Variants in GRIA4 observed in about 807,000 individuals in gnomAD.
GRIA4 encodes the protein glutamate receptor 4.
In GRIA4, 34 loss-of-function variants were observed where a neutral mutation model predicts 104.0. That is an observed-to-expected ratio of 0.33 (90% confidence interval 0.25 to 0.44). The LOEUF is 0.44. Ranked by LOEUF, GRIA4 falls within the 20% of genes least tolerant of loss-of-function variation. GRIA4 has a pLI of 1.00. For synonymous variants in GRIA4, 386 were observed against 381.9 expected (o/e 1.01, Z -0.13); for missense variants, 750 against 1,096.5 (o/e 0.68, Z 4.46).
At chr11:105,720,964 G>C (rs1247174592) in intron 3 of GRIA4, among the ~76,000 whole-genome samples, 1 of 152,086 alleles carries the variant, frequency 6.6e-6, no homozygotes, top group Non-Finnish European at 1.5e-5. Context: ...AAAGGCTGTT[G>C]GTTCCCAGAA....
intron 4 of GRIA4, among the ~76,000 whole-genome samples, chr11:105,770,938 G>T (rs73540337): frequency 1.3e-5 from 2 of 151,940 alleles, no homozygotes; most frequent in African/African-American, 4.8e-5. Context: ...ATCCAAGGCT[G>T]ACTCTCCAAA....
chr11:105,619,476 T>A (rs911818312), intron 3 of GRIA4, among the ~76,000 whole-genome samples: 4 of 151,970 alleles, frequency 2.6e-5, no homozygotes, highest in Non-Finnish European at 5.9e-5. Flanking sequence ...TAAATAGATT[T>A]TTTGATATTT....
At chr11:105,656,287 A>T (rs181284368) in intron 3 of GRIA4, among the ~76,000 whole-genome samples, 2,172 of 152,274 alleles carry the variant, frequency 0.014, 28 homozygotes, top group Admixed American at 0.029. Context: ...TCCCTATTTA[A>T]TAAATGGTGT....
intron 4 of GRIA4, among the ~76,000 whole-genome samples, chr11:105,835,035 C>G (rs986330126): frequency 1.3e-5 from 2 of 151,976 alleles, no homozygotes; most frequent in Non-Finnish European, 2.9e-5. Flanking sequence ...GTAAGCCCTA[C>G]TTTTGAGAAA....
intron 3 of GRIA4, among the ~76,000 whole-genome samples, chr11:105,751,621 T>C (rs1345396577): frequency 1.3e-5 from 2 of 152,186 alleles, no homozygotes; most frequent in African/African-American, 4.8e-5. Context: ...TAATATAATA[T>C]CTATCAAAAT....
At chr11:105,726,120 C>T (rs1938191930) in intron 3 of GRIA4, among the ~76,000 whole-genome samples, 1 of 152,092 alleles carries the variant, frequency 6.6e-6, no homozygotes, top group African/African-American at 2.4e-5. Context: ...TCCATAGAGC[C>T]CAGCAAGCTA....
rs473786 is a variant in GRIA4 at position 105,714,394 on chromosome 11, T to C, written c.248-38587T>C. On this transcript the variant is annotated intron_variant, in intron 3 of 16. Coordinates refer to ENST00000282499, the MANE Select transcript of GRIA4 (RefSeq NM_000829.4). ...ATATTTTAACAATCTGATATCACTTTGAGATAATTTGGTTGAATGCTTCCC... is the reference window on the plus strand; with the variant it reads ...ATATTTTAACAATCTGATATCACTTCGAGATAATTTGGTTGAATGCTTCCC... Among the ~76,000 whole-genome samples, 38 of 152,242 alleles carry C rather than the reference T, an allele frequency of 2.5e-4. No homozygotes were observed. In the East Asian group the frequency reaches 5.6e-3, roughly 22 times the overall value.
intron 3 of GRIA4, among the ~76,000 whole-genome samples, chr11:105,626,499 C>A (rs1269374340): frequency 6.6e-6 from 1 of 152,188 alleles, no homozygotes; most frequent in Admixed American, 6.6e-5. Context: ...ATATCTGGGA[C>A]ATTTAAAATT....
Position 105,926,733 on chromosome 11 carries a change from A to G in GRIA4, c.1848-8A>G. ...AAGGAAAATGTGCATTATTTTATCC[A>G]TGTTTAGATCCCTCTCAGGTCGAAT... On this transcript the variant is annotated splice_region_variant and splice_polypyrimidine_tract_variant and intron_variant, in intron 12 of 16. Transcript: ENST00000282499. 4.5e-6 allele frequency: 7 copies of G among 1,562,434 alleles called. No individual in the cohort carries two copies. Among genetic ancestry groups the G allele is most frequent in the Non-Finnish European group, 5.3e-6 (6 of 1,133,510 alleles).
At chr11:105,802,688 T>C (rs1942771720) in intron 4 of GRIA4, among the ~76,000 whole-genome samples, 1 of 152,056 alleles carries the variant, frequency 6.6e-6, no homozygotes, top group Non-Finnish European at 1.5e-5. Context: ...TCTTTAATGT[T>C]TGGCAAGATT....
intron 4 of GRIA4, among the ~76,000 whole-genome samples, chr11:105,765,342 T>G (rs1468423357): frequency 6.6e-6 from 1 of 152,166 alleles, no homozygotes; most frequent in African/African-American, 2.4e-5. Context: ...GAGCAATCCT[T>G]TAAACAATAA....
At chr11:105,632,788 AAAAG>A in intron 3 of GRIA4, among the ~76,000 whole-genome samples, 1 of 152,170 alleles carries the variant, frequency 6.6e-6, no homozygotes, top group Non-Finnish European at 1.5e-5. Context: ...TAAATAATTA[AAAAG>A]AAAGAAAAAA....
chr11:105,961,974 T>G (rs1430533762), intron 14 of GRIA4, among the ~76,000 whole-genome samples: 1 of 152,242 alleles, frequency 6.6e-6, no homozygotes, highest in African/African-American at 2.4e-5. Flanking sequence ...ACATATGTCC[T>G]GAATATCTTG....
intron 14 of GRIA4, among the ~76,000 whole-genome samples, chr11:105,937,826 G>A (rs551874530): frequency 1.3e-5 from 2 of 152,274 alleles, no homozygotes; most frequent in Non-Finnish European, 2.9e-5. Context: ...TTGCTTCAGG[G>A]GGTGAGACCT....
chr11:105,785,697 C>T (rs1023108827), intron 4 of GRIA4, among the ~76,000 whole-genome samples: 17 of 152,148 alleles, frequency 1.1e-4, no homozygotes, highest in Admixed American at 2.6e-4. Flanking sequence ...ATTGGATAGA[C>T]GACATTTCTA....
intron 10 of GRIA4, chr11:105,912,061 G>A (rs1339525800): frequency 1.8e-6 from 2 of 1,128,422 alleles, no homozygotes; most frequent in East Asian, 4.4e-5. Context: ...TTTAAGTTCT[G>A]TGACTTTTCT....
intron 3 of GRIA4, among the ~76,000 whole-genome samples, chr11:105,674,448 G>A (rs1241920888): frequency 2.0e-5 from 3 of 151,406 alleles, no homozygotes; most frequent in Non-Finnish European, 4.4e-5. Flanking sequence ...TTTTGTATTG[G>A]CTTAGTTGGA....
intron 14 of GRIA4, among the ~76,000 whole-genome samples, chr11:105,952,010 C>T (rs1948467484): frequency 6.6e-6 from 1 of 152,082 alleles, no homozygotes; most frequent in Non-Finnish European, 1.5e-5. Flanking sequence ...TATGATGCAA[C>T]TGTACAATGA....
chr11:105,626,147 C>T (rs749912842), intron 3 of GRIA4, among the ~76,000 whole-genome samples: 8 of 151,948 alleles, frequency 5.3e-5, no homozygotes, highest in Non-Finnish European at 7.4e-5. Context: ...CCATATTGTC[C>T]ACAACAGTTG....
Sources: allele counts gnomAD v4.1 joint callset (sites outside exome capture counted in the v4.1 genomes callset), GRCh38; gene constraint gnomAD v4.1.1; transcripts MANE v1.5; gene names NCBI Gene and HGNC (gene_info 2026-07-23, HGNC 2026-07-21).